The following CLHC1 variants were observed in gnomAD, a reference collection of about 807,000 sequenced individuals.
The protein encoded by CLHC1 is clathrin heavy chain linker domain-containing protein 1.
A neutral mutation model predicts 69.5 loss-of-function variants in CLHC1; 72 were observed. The ratio of observed to expected loss-of-function variants is 1.04; its 90% CI spans 0.86 to 1.26. CLHC1 has a LOEUF of 1.26. CLHC1 is among the 50% of genes most tolerant of loss of function. CLHC1 has a pLI of 0.00. For missense variants in CLHC1, 790 were observed against 679.3 expected (o/e 1.16, Z -1.81); for synonymous variants, 223 against 224.3 (o/e 0.99, Z 0.05).
intron 9 of CLHC1, among the ~76,000 whole-genome samples, chr2:55,202,466 G>A (rs974503341): frequency 1.3e-5 from 2 of 151,174 alleles, no homozygotes; most frequent in Admixed American, 1.3e-4. Flanking sequence ...TGAGGCAGGA[G>A]AATTGCTTGA....
At chr2:55,190,999 C>G (rs376129821) in intron 9 of CLHC1, among the ~76,000 whole-genome samples, 1 of 151,756 alleles carries the variant, frequency 6.6e-6, no homozygotes, top group African/African-American at 2.4e-5. Flanking sequence ...CACATATGTA[C>G]GGAAGTACAA....
At chr2:55,224,573 C>T (rs1238375145) in intron 2 of CLHC1, 3 of 269,038 alleles carry the variant, frequency 1.1e-5, no homozygotes, top group Non-Finnish European at 2.3e-5. Context: ...CACAGGGGAG[C>T]TGTATCAACA....
Position 55,217,466 on chromosome 2 carries a change from C to T in CLHC1, c.365+345G>A, listed in dbSNP as rs571700562. On this transcript the variant is annotated intron_variant, in intron 4 of 12. Transcript: ENST00000401408. ...TGAGACCAGGAGGCAGAGGTTGCAGCGAGCCAAGATTGCGCCATTGCACTC... is the reference window on the plus strand; with the variant it reads ...TGAGACCAGGAGGCAGAGGTTGCAGTGAGCCAAGATTGCGCCATTGCACTC... 2.6e-3 allele frequency among the ~76,000 whole-genome samples: 333 copies of T among 125,942 alleles called. 1 individual carries two copies. Among genetic ancestry groups the T allele is most frequent in the African/African-American group, 9.7e-3 (317 of 32,730 alleles). The allele number at this position is 125,942 out of a possible 152,430, so 82.6% of individuals were successfully genotyped here.
In CLHC1 at chr2:55,191,831, CAAAAT is replaced by C. The variant is rs1229068402; in HGVS notation, c.1007-10092_1007-10088del. Among the ~76,000 whole-genome samples the C allele has an allele frequency of 2.0e-5, 3 of 151,296 alleles. No homozygotes were observed. The East Asian group carries it at 5.8e-4, about 29-fold the overall frequency. On this transcript the variant is annotated intron_variant, in intron 9 of 12. Transcript: ENST00000401408. ...AAAGAAGAGATAAGAGAAATGGAAA[CAAAAT>C]AAAACACACCAGTGAAGTGTGGTGG...
intron 9 of CLHC1, among the ~76,000 whole-genome samples, chr2:55,198,364 T>A (rs1226373853): frequency 1.3e-5 from 2 of 152,046 alleles, no homozygotes; most frequent in African/African-American, 2.4e-5. Context: ...GGAGGGTGGA[T>A]CACCTGAGGT....
At position 55,209,423 on chromosome 2, in the gene CLHC1, C is replaced by T. The variant is rs760487549; in HGVS notation, c.795G>A (p.Gln265=). The part of the protein sequence containing the change: ...SPFQDFVEQI[Q]KTKYLQGDQG... ...ATCTACCTTGTAAATATTTGGTTTTCTGAATTTGCTCCACAAAGTCTTGAA... is the reference window on the plus strand; with the variant it reads ...ATCTACCTTGTAAATATTTGGTTTTTTGAATTTGCTCCACAAAGTCTTGAA... The change falls in exon 7 of 13, where the codon CAG becomes CAA. Residue 265 remains glutamine (Q), a synonymous_variant. Coordinates refer to ENST00000401408, the MANE Select transcript of CLHC1 (RefSeq NM_152385.4). The T allele has an allele frequency of 3.7e-6, 6 of 1,601,104 alleles. No individual in the cohort carries two copies. The African/African-American group carries it at 6.7e-5, about 18-fold the overall frequency.
chr2:55,190,013 AAG>A (rs1338759387), intron 9 of CLHC1, among the ~76,000 whole-genome samples: 6 of 152,138 alleles, frequency 3.9e-5, no homozygotes, highest in African/African-American at 1.4e-4. Context: ...AAAGGTTAAG[AAG>A]AGTTTACCAA....
chr2:55,188,840 T>C (rs760706001), intron 9 of CLHC1, among the ~76,000 whole-genome samples: 20 of 152,114 alleles, frequency 1.3e-4, no homozygotes, highest in Admixed American at 4.6e-4. Flanking sequence ...TTATAAGCAA[T>C]AGTATAATTC....
intron 4 of CLHC1, chr2:55,215,882 A>G (rs1673443529): frequency 6.6e-6 from 1 of 152,140 alleles, no homozygotes; most frequent in Non-Finnish European, 1.5e-5. Flanking sequence ...TGTATTAGGT[A>G]GTATTTTTCC....
intron 9 of CLHC1, among the ~76,000 whole-genome samples, chr2:55,189,277 G>GA (rs1174032013): frequency 6.6e-6 from 1 of 152,056 alleles, no homozygotes; most frequent in Non-Finnish European, 1.5e-5. Context: ...AAGAACTGAT[G>GA]AAAATAATTG....
At chr2:55,179,466 A>C (rs11692206) in intron 11 of CLHC1, among the ~76,000 whole-genome samples, 27,000 of 152,180 alleles carry the variant, frequency 0.18, 2,630 homozygotes, top group East Asian at 0.39. Flanking sequence ...TTAAAAAAAC[A>C]ACAACATAGA....
chr2:55,217,582 T>C (rs1447606851), intron 4 of CLHC1, among the ~76,000 whole-genome samples: 48 of 101,222 alleles, frequency 4.7e-4, no homozygotes, highest in Middle Eastern at 7.6e-3. Flanking sequence ...TATATATATA[T>C]ATACTAAGAG....
chr2:55,221,675 G>T (rs1176163735), intron 3 of CLHC1, among the ~76,000 whole-genome samples: 1 of 152,192 alleles, frequency 6.6e-6, no homozygotes, highest in Non-Finnish European at 1.5e-5. Context: ...CCAGGTAGTT[G>T]ATCAAAAACT....
At chr2:55,215,085 A>G (rs1305909122) in intron 4 of CLHC1, 1 of 152,224 alleles carries the variant, frequency 6.6e-6, no homozygotes, top group South Asian at 2.1e-4. Context: ...TACATTTGGT[A>G]AATGATAGAT....
At chr2:55,189,643 T>C (rs1192175293) in intron 9 of CLHC1, among the ~76,000 whole-genome samples, 5 of 152,104 alleles carry the variant, frequency 3.3e-5, no homozygotes, top group Non-Finnish European at 7.4e-5. Flanking sequence ...CATATAAAGA[T>C]CATAGGGCAG....
At chr2:55,229,136 G>T (rs1187335376) in intron 1 of CLHC1, among the ~76,000 whole-genome samples, 4 of 127,860 alleles carry the variant, frequency 3.1e-5, no homozygotes, top group African/African-American at 6.1e-5. Flanking sequence ...GGGCGACAGA[G>T]GGAGATTCTG....
rs913644869 is a variant in CLHC1 at position 55,228,169 on chromosome 2, G to C, written c.-220C>G. On this transcript the variant is annotated 5_prime_UTR_variant, in exon 2 of 13. Transcript: ENST00000401408. ...ATTATCCTTCCACCACACTGCCTTA[G>C]AGACTTCCTGTTTATATTCTGTCTC... The C allele has an allele frequency of 6.6e-5, 10 of 152,194 alleles. No homozygotes were observed. Among genetic ancestry groups the C allele is most frequent in the African/African-American group, 2.2e-4 (9 of 41,440 alleles). The allele number at this position is 152,194 out of a possible 1,614,324, so 9.4% of individuals were successfully genotyped here. A position where few individuals can be genotyped will look rare whatever the true frequency, so the allele number is the denominator to read the frequency against.
rs771604255 is a variant in CLHC1, at chr2:55,180,567, G to A, written c.1327C>T (p.Gln443Ter). The change falls in exon 11 of 13, where the codon CAG becomes TAG. Residue 443 changes from glutamine to a stop codon, truncating the protein, a stop_gained. Transcript: ENST00000401408. LOFTEE classifies it high-confidence loss of function. ...TCCATGACCCTATGAGTCTGACCCT[G>A]TTTACACAAGCAAAGAATAGCTTTC... is the stretch of plus-strand genomic sequence containing the variant. ...HKKAILCLCKQGQTHRVMEYI... is the reference protein window; with the variant it reads ...HKKAILCLCK The A allele has an allele frequency of 6.2e-7, 1 of 1,614,068 alleles. No homozygotes were observed. Among genetic ancestry groups the A allele is most frequent in the Admixed American group, 1.7e-5 (1 of 60,020 alleles).
Position 55,212,709 on chromosome 2 carries a change from A to G in CLHC1, c.463T>C (p.Cys155Arg). The G allele has an allele frequency of 1.3e-6, 2 of 1,598,730 alleles. No individual in the cohort carries two copies. Among genetic ancestry groups the G allele is most frequent in the Non-Finnish European group, 1.7e-6 (2 of 1,166,108 alleles). Residue 155 changes from cysteine (C) to arginine (R), a missense_variant, in exon 5 of 13, where the codon TGT becomes CGT. Transcript: ENST00000401408. Reference sequence around the variant, plus strand: ...TTTGAAGGATCTTTGGAGAAAGTACAATATTTTACTTCTTTTGTGTCATAC... The same window carrying G: ...TTTGAAGGATCTTTGGAGAAAGTACGATATTTTACTTCTTTTGTGTCATAC... ...AEYDTKEVKY[C>R]TFSKDPSKPI...
Sources: allele counts gnomAD v4.1 joint callset (sites outside exome capture counted in the v4.1 genomes callset), GRCh38; gene constraint gnomAD v4.1.1; transcripts MANE v1.5; gene names NCBI Gene and HGNC (gene_info 2026-07-23, HGNC 2026-07-21).